Variants in UTS2B observed in about 807,000 individuals in gnomAD.
UTS2B encodes urotensin 2B, also known as urotensin-2B.
In UTS2B, 21 loss-of-function variants were observed where a neutral mutation model predicts 19.2. That is an observed-to-expected ratio of 1.09 (90% CI 0.78 to 1.58). The LOEUF (loss-of-function observed/expected upper bound fraction) is 1.58. Among genes scored for constraint, UTS2B ranks in the 40% most tolerant of loss-of-function variants. The pLI, the probability that UTS2B is intolerant of heterozygous loss-of-function variation, is 0.00. For synonymous variants in UTS2B, 57 were observed against 50.2 expected (o/e 1.14, Z -0.58); for missense variants, 138 against 130.3 (o/e 1.06, Z -0.29).
chr3:191,291,994 G>A (rs1208400878), intron 4 of UTS2B, among the ~76,000 whole-genome samples: 1 of 151,964 alleles, frequency 6.6e-6, no homozygotes, highest in Admixed American at 6.6e-5. Flanking sequence ...TATTAATGTA[G>A]CTTTGTAGTA....
At chr3:191,305,962 A>C (rs1194511378) in intron 3 of UTS2B, among the ~76,000 whole-genome samples, 2 of 152,140 alleles carry the variant, frequency 1.3e-5, no homozygotes, top group Non-Finnish European at 2.9e-5. Context: ...GGTTTGTCAA[A>C]GATCAGATAG....
intron 2 of UTS2B, among the ~76,000 whole-genome samples, chr3:191,320,948 TA>T (rs1329244098): frequency 6.6e-6 from 1 of 152,184 alleles, no homozygotes; most frequent in African/African-American, 2.4e-5. Flanking sequence ...CTGATAGTAT[TA>T]AGAGGCAGGG....
intron 4 of UTS2B, among the ~76,000 whole-genome samples, chr3:191,299,991 G>A (rs1191151953): frequency 6.6e-6 from 1 of 152,168 alleles, no homozygotes; most frequent in Non-Finnish European, 1.5e-5. Flanking sequence ...TTTCAGACTT[G>A]CATGGTGCCT....
intron 1 of UTS2B, among the ~76,000 whole-genome samples, chr3:191,329,917 G>A (rs1190033364): frequency 8.6e-6 from 1 of 116,666 alleles, no homozygotes; most frequent in African/African-American, 3.3e-5. Flanking sequence ...GACGTTCCAA[G>A]CCCGTTTTTT....
At chr3:191,321,801 C>T (rs542614655) in intron 2 of UTS2B, among the ~76,000 whole-genome samples, 1 of 152,136 alleles carries the variant, frequency 6.6e-6, no homozygotes, top group Non-Finnish European at 1.5e-5. Context: ...CCAAGGTGGG[C>T]AGATCACCTG....
chr3:191,269,125 T>G (rs1218746596), intron 8 of UTS2B, among the ~76,000 whole-genome samples: 1 of 152,230 alleles, frequency 6.6e-6, no homozygotes, highest in East Asian at 1.9e-4. Flanking sequence ...TCTAGCTAAT[T>G]ATCAGTTTCT....
the UTS2B span, among the ~76,000 whole-genome samples, chr3:191,341,212 C>A: frequency 2.6e-5 from 4 of 152,216 alleles, no homozygotes; most frequent in South Asian, 8.3e-4. Flanking sequence ...AGAAGCAATA[C>A]CTAATAGAAA....
intron 4 of UTS2B, among the ~76,000 whole-genome samples, chr3:191,298,182 C>A (rs527553001): frequency 6.6e-6 from 1 of 152,216 alleles, no homozygotes; most frequent in East Asian, 1.9e-4. Context: ...TCGTACCTAG[C>A]ACAATAATAG....
chr3:191,314,377 G>A (rs73888547), intron 3 of UTS2B, among the ~76,000 whole-genome samples: 7,420 of 152,186 alleles, frequency 0.049, 592 homozygotes, highest in African/African-American at 0.17. Context: ...CCTTCCCAGA[G>A]AGACCCTTCT....
chr3:191,287,447 C>T (rs540899023), intron 4 of UTS2B, among the ~76,000 whole-genome samples: 10 of 152,136 alleles, frequency 6.6e-5, no homozygotes, highest in African/African-American at 2.4e-4. Context: ...GGATGTTTTA[C>T]ATACACAAAT....
chr3:191,328,500 A>T (rs921506152), intron 2 of UTS2B, 131 bp downstream of exon 2: 1 of 152,316 alleles, frequency 6.6e-6, no homozygotes, highest in African/African-American at 2.4e-5. Context: ...TGTACCCAGG[A>T]AAGTATTCTG....
chr3:191,285,776 A>G (rs1716526601), intron 4 of UTS2B, among the ~76,000 whole-genome samples: 1 of 151,984 alleles, frequency 6.6e-6, no homozygotes, highest in African/African-American at 2.4e-5. Flanking sequence ...GTGTGTGCCT[A>G]CAGTCCCAGC....
At chr3:191,325,441 G>A (rs1222226825) in intron 2 of UTS2B, among the ~76,000 whole-genome samples, 1 of 152,188 alleles carries the variant, frequency 6.6e-6, no homozygotes, top group East Asian at 1.9e-4. Flanking sequence ...GGTGACCCCT[G>A]AGTTCCAGTA....
At chr3:191,283,980 T>C (rs1013007418) in intron 4 of UTS2B, among the ~76,000 whole-genome samples, 1 of 152,080 alleles carries the variant, frequency 6.6e-6, no homozygotes, top group African/African-American at 2.4e-5. Context: ...TGTCATGTGA[T>C]GTAGAGAGAA....
chr3:191,336,294 C>A, the UTS2B span, among the ~76,000 whole-genome samples: 1 of 152,062 alleles, frequency 6.6e-6, no homozygotes, highest in Non-Finnish European at 1.5e-5. Flanking sequence ...ATGTGAGCTC[C>A]AGTTGTTCTG....
chr3:191,291,705 G>C (rs1164591433), intron 4 of UTS2B, among the ~76,000 whole-genome samples: 1 of 152,142 alleles, frequency 6.6e-6, no homozygotes. Flanking sequence ...ACCCACCTCA[G>C]CCTCTCAAAG....
At chr3:191,341,243 A>G in the UTS2B span, among the ~76,000 whole-genome samples, 107 of 152,312 alleles carry the variant, frequency 7.0e-4, no homozygotes, top group African/African-American at 2.4e-3. Flanking sequence ...ATAAGAATTT[A>G]TTAACTTTAA....
chr3:191,306,746 G>A (rs1295515970), intron 3 of UTS2B, among the ~76,000 whole-genome samples: 1 of 152,136 alleles, frequency 6.6e-6, no homozygotes, highest in Non-Finnish European at 1.5e-5. Flanking sequence ...CAATTCTCCT[G>A]CCTCAGCCTC....
the UTS2B span, among the ~76,000 whole-genome samples, chr3:191,345,175 T>C: frequency 9.9e-5 from 15 of 152,212 alleles, no homozygotes; most frequent in African/African-American, 3.6e-4. Context: ...CTTCTAAGAA[T>C]AGACAAGGTC....
Sources: gnomAD v4.1 joint callset for allele counts (sites outside exome capture counted in the v4.1 genomes callset) on GRCh38, gnomAD v4.1.1 for gene constraint, MANE v1.5 for transcripts, NCBI Gene and HGNC (gene_info 2026-07-23, HGNC 2026-07-21) for gene names.